DHCR24: variants seen among roughly 807,000 people sequenced by gnomAD.
DHCR24 encodes the protein 24-dehydrocholesterol reductase.
DHCR24 carries 28 observed loss-of-function variants against 61.2 expected under a neutral mutation model. That is an observed-to-expected ratio of 0.46 (90% CI 0.34 to 0.63). The LOEUF is 0.63. DHCR24 is among the 20% of genes least tolerant of loss of function. The probability of loss-of-function intolerance (pLI) is 0.01; values close to 1 mark genes in which losing one functional copy is unlikely to be tolerated. For synonymous variants in DHCR24, 261 were observed against 275.9 expected (o/e 0.95, Z 0.54); for missense variants, 538 against 679.1 (o/e 0.79, Z 2.31).
chr1:54,874,242 A>C (rs1333352271), intron 4 of DHCR24, among the ~76,000 whole-genome samples: 3 of 152,214 alleles, frequency 2.0e-5, no homozygotes, highest in African/African-American at 7.2e-5. Flanking sequence ...GGTGTACAGT[A>C]ATGTCCCAGG....
chr1:54,875,877 A>G (rs775843465), intron 3 of DHCR24, 65 bp downstream of exon 3: 9 of 1,353,028 alleles, frequency 6.7e-6, no homozygotes, highest in Non-Finnish European at 9.6e-6. Context: ...GAGGGTGGCC[A>G]AGGCCCATCA....
intron 5 of DHCR24, among the ~76,000 whole-genome samples, chr1:54,868,815 C>T (rs1646981599): frequency 6.6e-6 from 1 of 152,174 alleles, no homozygotes; most frequent in Admixed American, 6.5e-5. Flanking sequence ...CGCCTGTAAT[C>T]CCAGCATTTT....
chr1:54,871,332 G>A lies in DHCR24; in HGVS notation c.876+18C>T. The A allele has an allele frequency of 1.9e-6, 3 of 1,613,628 alleles. No homozygotes were observed. The highest frequency in any genetic ancestry group is 2.5e-6 in the Non-Finnish European group (3 of 1,179,962). Reference sequence around the variant, plus strand: ...GCCTCCCCAGTCTTGGTCAGCAGCAGCTGACACCCTGGCTTACCTTGCTGG... The same window carrying A: ...GCCTCCCCAGTCTTGGTCAGCAGCAACTGACACCCTGGCTTACCTTGCTGG... On this transcript the variant is annotated intron_variant, in intron 5 of 8. Coordinates refer to ENST00000371269, the MANE Select transcript of DHCR24 (RefSeq NM_014762.4).
At chr1:54,855,119 G>A (rs1316887166) in intron 6 of DHCR24, among the ~76,000 whole-genome samples, 3 of 152,184 alleles carry the variant, frequency 2.0e-5, no homozygotes, top group African/African-American at 2.4e-5. Flanking sequence ...TTCTGGCCAG[G>A]CACGGTGGCT....
chr1:54,878,390 T>C (rs1443542291), intron 2 of DHCR24, among the ~76,000 whole-genome samples: 1 of 151,392 alleles, frequency 6.6e-6, no homozygotes, highest in African/African-American at 2.4e-5. Flanking sequence ...GGTGGGTGCC[T>C]GTAATCCCAG....
intron 6 of DHCR24, among the ~76,000 whole-genome samples, chr1:54,857,222 G>A (rs1646912327): frequency 6.6e-6 from 1 of 152,216 alleles, no homozygotes; most frequent in Non-Finnish European, 1.5e-5. Context: ...CTGCCCCCTT[G>A]CTGAGGCCAG....
chr1:54,876,737 T>C (rs372061199), intron 2 of DHCR24, among the ~76,000 whole-genome samples: 2 of 152,032 alleles, frequency 1.3e-5, no homozygotes, highest in Admixed American at 1.3e-4. Flanking sequence ...TTGGTTTTTT[T>C]TTCCCCACAC....
chr1:54,866,105 T>C (rs1211815809), intron 5 of DHCR24, among the ~76,000 whole-genome samples: 1 of 152,156 alleles, frequency 6.6e-6, no homozygotes, highest in Non-Finnish European at 1.5e-5. Context: ...TTGGGATGGC[T>C]GAGCTTCTCC....
rs1000278534 is a variant in DHCR24 at position 54,850,008 on chromosome 1, G to A, written c.*2225C>T. ...TTAACTCCATCCAAAACCATCACAT[G>A]GATGGCCAGGGACAGGACTGGCTAC... On this transcript the variant is annotated 3_prime_UTR_variant, in exon 9 of 9. Transcript: ENST00000371269. 4 of 152,350 alleles carry A rather than the reference G, an allele frequency of 2.6e-5. No individual in the cohort carries two copies. Among genetic ancestry groups the A allele is most frequent in the Admixed American group, 2.6e-4 (4 of 15,270 alleles). 9.4% of individuals were successfully genotyped at this position (152,350 alleles called of 1,614,324 possible).
chr1:54,881,517 AG>A (rs1647063900), intron 2 of DHCR24, among the ~76,000 whole-genome samples: 2 of 152,244 alleles, frequency 1.3e-5, no homozygotes, highest in African/African-American at 2.4e-5. Flanking sequence ...GCAGAGAAAA[AG>A]GAACATTTAT....
rs897045934 is a variant in DHCR24 at position 54,850,140 on chromosome 1, C to A, written c.*2093G>T. 6.6e-6 allele frequency: 1 copy of A among 152,204 alleles called. No homozygotes were observed. Among genetic ancestry groups the A allele is most frequent in the African/African-American group, 2.4e-5 (1 of 41,460 alleles). The allele number at this position is 152,204 out of a possible 1,614,324, so 9.4% of individuals were successfully genotyped here. On this transcript the variant is annotated 3_prime_UTR_variant, in exon 9 of 9. Coordinates refer to ENST00000371269, the MANE Select transcript of DHCR24 (RefSeq NM_014762.4). Reference sequence around the variant, plus strand: ...GAGGGTGTGATTCCAAAATACCTTCCTTTCCAAGCCCCGGGTTGTGGATAA... The same window carrying A: ...GAGGGTGTGATTCCAAAATACCTTCATTTCCAAGCCCCGGGTTGTGGATAA...
intron 4 of DHCR24, 69 bp downstream of exon 4, chr1:54,875,024 C>T: frequency 1.4e-6 from 2 of 1,381,232 alleles, no homozygotes; most frequent in Non-Finnish European, 2.1e-6. Context: ...AGAGGAGCCA[C>T]CTCCCTGACC....
Position 54,871,386 on chromosome 1 carries a change from CATA to C in DHCR24, c.837_839del (p.Ile279del). ...CTGCCTCATCTGTCATGACCCCTGT[CATA>C]ATGACAGCCTCATCCAGGGAGTAGA... On this transcript the variant is annotated inframe_deletion, in exon 5 of 9. Coordinates refer to ENST00000371269, the MANE Select transcript of DHCR24 (RefSeq NM_014762.4). 6.2e-7 allele frequency: 1 copy of C among 1,614,172 alleles called. No individual in the cohort carries two copies. The highest frequency in any genetic ancestry group is 8.5e-7 in the Non-Finnish European group (1 of 1,180,028).
chr1:54,850,157 T>G lies in DHCR24; in HGVS notation c.*2076A>C, dbSNP rs376943006. On this transcript the variant is annotated 3_prime_UTR_variant, in exon 9 of 9. Coordinates refer to ENST00000371269, the MANE Select transcript of DHCR24 (RefSeq NM_014762.4). ...ATACCTTCCTTTCCAAGCCCCGGGT[T>G]GTGGATAAGGTCTGGATTTTGGTTA... is the stretch of plus-strand genomic sequence containing the variant. 2.0e-5 allele frequency: 3 copies of G among 152,146 alleles called. No individual in the cohort carries two copies. Among genetic ancestry groups the G allele is most frequent in the African/African-American group, 7.2e-5 (3 of 41,428 alleles). The allele number at this position is 152,146 out of a possible 1,614,324, so 9.4% of individuals were successfully genotyped here.
intron 1 of DHCR24, among the ~76,000 whole-genome samples, chr1:54,885,120 A>C (rs1332341928): frequency 6.6e-6 from 1 of 152,226 alleles, no homozygotes; most frequent in Non-Finnish European, 1.5e-5. Flanking sequence ...AGAAGGCTGC[A>C]CTGGAGCTGG....
chr1:54,863,482 C>T (rs1437333806), intron 6 of DHCR24, among the ~76,000 whole-genome samples: 1 of 152,182 alleles, frequency 6.6e-6, no homozygotes, highest in East Asian at 1.9e-4. Context: ...CATGCTGGCT[C>T]CGAAGGCTTC....
At chr1:54,877,534 C>T (rs655115) in intron 2 of DHCR24, among the ~76,000 whole-genome samples, 122,745 of 151,564 alleles carry the variant, frequency 0.81, 50,107 homozygotes, top group East Asian at 0.91. Flanking sequence ...GGCGGGAGGA[C>T]TGCTTGAGGC....
chr1:54,878,013 A>C (rs1354224652), intron 2 of DHCR24, among the ~76,000 whole-genome samples: 1 of 151,924 alleles, frequency 6.6e-6, no homozygotes, highest in African/African-American at 2.4e-5. Context: ...CTCAAAAAAA[A>C]AAAAAAAGAG....
intron 1 of DHCR24, among the ~76,000 whole-genome samples, chr1:54,885,517 C>G (rs1647088243): frequency 6.6e-6 from 1 of 152,216 alleles, no homozygotes; most frequent in Non-Finnish European, 1.5e-5. Flanking sequence ...CATTTACTGA[C>G]TAGTCTTCCT....
Sources: allele counts gnomAD v4.1 joint callset (sites outside exome capture counted in the v4.1 genomes callset), GRCh38; gene constraint gnomAD v4.1.1; transcripts MANE v1.5; gene names NCBI Gene and HGNC (gene_info 2026-07-23, HGNC 2026-07-21).